Variants in ICA1L observed in about 807,000 individuals in gnomAD.
ICA1L encodes islet cell autoantigen 1 like, also known as islet cell autoantigen 1-like protein.
ICA1L carries 50 observed loss-of-function variants against 61.3 expected under a neutral mutation model. The ratio of observed to expected loss-of-function variants is 0.82; its 90% CI spans 0.65 to 1.03. The LOEUF is 1.03. Among genes scored for constraint, ICA1L ranks in the 50% least tolerant of loss-of-function variants. ICA1L has a pLI of 0.00. For synonymous variants in ICA1L, 161 were observed against 191.3 expected (o/e 0.84, Z 1.31); for missense variants, 508 against 556.7 (o/e 0.91, Z 0.88).
chr2:202,785,150 C>T (rs1692539490), intron 12 of ICA1L, among the ~76,000 whole-genome samples: 2 of 147,862 alleles, frequency 1.4e-5, no homozygotes, highest in South Asian at 2.2e-4. Context: ...ACCCAGGAGG[C>T]GGAGGTTGCA....
intron 3 of ICA1L, among the ~76,000 whole-genome samples, chr2:202,824,412 T>A (rs1455192377): frequency 6.6e-6 from 1 of 151,564 alleles, no homozygotes; most frequent in Non-Finnish European, 1.5e-5. Flanking sequence ...AAAAAAAAAA[T>A]TCTGTCCTTA....
At chr2:202,852,810 C>G (rs1283149345) in intron 1 of ICA1L, among the ~76,000 whole-genome samples, 1 of 149,246 alleles carries the variant, frequency 6.7e-6, no homozygotes, top group Non-Finnish European at 1.5e-5. Context: ...TTGCATTTCT[C>G]TGATGGCCAG....
chr2:202,788,747 G>C (rs1029267245), intron 11 of ICA1L, 83 bp downstream of exon 11: 1 of 1,382,722 alleles, frequency 7.2e-7, no homozygotes, highest in Non-Finnish European at 1.0e-6. Flanking sequence ...TCTGCTTGTT[G>C]GTTCTAGCAT....
In ICA1L at chr2:202,774,278, T is replaced by G. The variant is rs1319983358; in HGVS notation, c.*5255A>C. On this transcript the variant is annotated 3_prime_UTR_variant, in exon 13 of 13. Transcript: ENST00000358299. ...GGCCAAAGGCCGTGACCCCGACGCG[T>G]GCAGGCACCTACGGGCGACCGCGGA... The G allele has an allele frequency of 1.3e-6, 2 of 1,541,398 alleles. No homozygotes were observed. The highest frequency in any genetic ancestry group is 1.7e-6 in the Non-Finnish European group (2 of 1,144,650).
At chr2:202,796,006 G>A (rs975813891) in intron 10 of ICA1L, among the ~76,000 whole-genome samples, 1 of 151,142 alleles carries the variant, frequency 6.6e-6, no homozygotes, top group South Asian at 2.1e-4. Flanking sequence ...TCGTGCCACT[G>A]CTCTTCAGCC....
At position 202,828,446 on chromosome 2, in the gene ICA1L, A is replaced by G. The variant is rs142315688; in HGVS notation, c.162+402T>C. On this transcript the variant is annotated intron_variant, in intron 2 of 12. Transcript: ENST00000358299. Reference sequence around the variant, plus strand: ...TCTATCTTTTAATAAAATAGAAACAATAACTATTATCTTCATTTGCTATTT... The same window carrying G: ...TCTATCTTTTAATAAAATAGAAACAGTAACTATTATCTTCATTTGCTATTT... Among the ~76,000 whole-genome samples, 272 of 152,324 alleles carry G rather than the reference A, an allele frequency of 1.8e-3. 1 individual carries two copies. Among genetic ancestry groups the G allele is most frequent in the Non-Finnish European group, 3.1e-3 (214 of 68,026 alleles).
intron 9 of ICA1L, 28 bp from the exon 10 acceptor site, chr2:202,796,992 T>A (rs201711502): frequency 6.7e-7 from 1 of 1,491,264 alleles, no homozygotes; most frequent in Admixed American, 1.9e-5. Context: ...AAAAGAGAAG[T>A]TGAACAAGAA....
At position 202,815,911 on chromosome 2, in the gene ICA1L, C is replaced by T. The variant is rs751344531; in HGVS notation, c.783G>A (p.Lys261=). Residue 261 remains lysine, a splice_region_variant and synonymous_variant, in exon 7 of 13, where the codon AAG becomes AAA. Transcript: ENST00000358299. ...GFHPYDFVAL[K]QLQDTPSKIS... Reference sequence around the variant, plus strand: ...CAAGAGAACATGGAACACAATGTACCTTGAGAGCTACAAAATCATACGGAT... The same window carrying T: ...CAAGAGAACATGGAACACAATGTACTTTGAGAGCTACAAAATCATACGGAT... 7.0e-6 allele frequency: 11 copies of T among 1,568,112 alleles called. No homozygotes were observed. Among genetic ancestry groups the T allele is most frequent in the Non-Finnish European group, 8.7e-6 (10 of 1,154,908 alleles).
intron 1 of ICA1L, among the ~76,000 whole-genome samples, chr2:202,844,936 T>G (rs556423551): frequency 1.3e-5 from 2 of 152,306 alleles, no homozygotes; most frequent in South Asian, 2.1e-4. Context: ...TCATTGTCTT[T>G]TATAGCTTTT....
At chr2:202,833,878 T>C (rs978424473) in intron 1 of ICA1L, among the ~76,000 whole-genome samples, 1 of 152,088 alleles carries the variant, frequency 6.6e-6, no homozygotes, top group African/African-American at 2.4e-5. Flanking sequence ...GTTGAACTAA[T>C]AGACGTAGAG....
rs185326063 is a variant in ICA1L, at chr2:202,819,417, G to A, written c.558+284C>T. On this transcript the variant is annotated intron_variant, in intron 5 of 12. Coordinates refer to ENST00000358299, the MANE Select transcript of ICA1L (RefSeq NM_001288622.3). The stretch of plus-strand genomic sequence containing the variant: ...AATAAACTATTTTCTTCCTGCAAAC[G>A]AATCTCAAAAGTCCAAGGAAGCAAC... 5.9e-5 allele frequency among the ~76,000 whole-genome samples: 9 copies of A among 151,850 alleles called. No individual in the cohort carries two copies. The East Asian group carries it at 1.2e-3, about 20-fold the overall frequency.
At chr2:202,828,744 G>T in intron 2 of ICA1L, 104 bp downstream of exon 2, 2 of 864,960 alleles carry the variant, frequency 2.3e-6, no homozygotes, top group Non-Finnish European at 3.7e-6. Context: ...TATCAAATTT[G>T]CATTTATCCT....
intron 8 of ICA1L, among the ~76,000 whole-genome samples, chr2:202,814,269 C>T (rs1693467989): frequency 6.6e-6 from 1 of 152,010 alleles, no homozygotes; most frequent in Non-Finnish European, 1.5e-5. Flanking sequence ...GGTTTGGTGC[C>T]TTTTTCATGG....
At chr2:202,866,281 A>G (rs1222638549) in intron 1 of ICA1L, among the ~76,000 whole-genome samples, 2 of 152,156 alleles carry the variant, frequency 1.3e-5, no homozygotes, top group Admixed American at 1.3e-4. Flanking sequence ...GCTGTTTAAC[A>G]GAGTTCGGCC....
chr2:202,783,816 T>TAGACAATGAATATTTAGTGGC lies in ICA1L; in HGVS notation c.1333+2081_1333+2101dup, dbSNP rs1193227467. Among the ~76,000 whole-genome samples the TAGACAATGAATATTTAGTGGC allele has an allele frequency of 2.6e-5, 4 of 152,054 alleles. No individual in the cohort carries two copies. The East Asian group carries it at 7.7e-4, about 29-fold the overall frequency. On this transcript the variant is annotated intron_variant, in intron 12 of 12. Coordinates refer to ENST00000358299, the MANE Select transcript of ICA1L (RefSeq NM_001288622.3). ...AAAGAATGTCCTTGTTTTTAGGAAATAGACAATGAATATTTAGTGGCAGAG... is the reference window on the plus strand; with the variant it reads ...AAAGAATGTCCTTGTTTTTAGGAAATAGACAATGAATATTTAGTGGCAGACAATGAATATTTAGTGGCAGAG...
At chr2:202,865,295 C>A (rs28762111) in intron 1 of ICA1L, among the ~76,000 whole-genome samples, 1 of 151,698 alleles carries the variant, frequency 6.6e-6, no homozygotes, top group African/African-American at 2.4e-5. Context: ...ATGGTGAAAC[C>A]TTGTCTCTAC....
At position 202,773,303 on chromosome 2, in the gene ICA1L, C is replaced by T. The variant is rs1260805155; in HGVS notation, c.*6230G>A. 1 of 152,600 alleles carries T rather than the reference C, an allele frequency of 6.6e-6. No homozygotes were observed. Among genetic ancestry groups the T allele is most frequent in the Non-Finnish European group, 1.5e-5 (1 of 68,328 alleles). The allele number at this position is 152,600 out of a possible 1,614,324, so 9.5% of individuals were successfully genotyped here. ...ATATCACATTCGTTCAAATGCATTTCTTTCCCTTAGAGGGACTATTCCAAC... is the reference window on the plus strand; with the variant it reads ...ATATCACATTCGTTCAAATGCATTTTTTTCCCTTAGAGGGACTATTCCAAC... On this transcript the variant is annotated 3_prime_UTR_variant, in exon 13 of 13. Transcript: ENST00000358299.
At chr2:202,846,484 G>A (rs964315425) in intron 1 of ICA1L, among the ~76,000 whole-genome samples, 1 of 152,078 alleles carries the variant, frequency 6.6e-6, no homozygotes, top group African/African-American at 2.4e-5. Context: ...AGCTTCAAGT[G>A]GGGGGTTCCC....
chr2:202,871,685 C>A lies in ICA1L; in HGVS notation c.-74G>T, dbSNP rs1333342300. The A allele has an allele frequency of 6.6e-6, 1 of 152,664 alleles. No individual in the cohort carries two copies. Among genetic ancestry groups the A allele is most frequent in the African/African-American group, 2.4e-5 (1 of 41,460 alleles). 9.5% of individuals were successfully genotyped at this position (152,664 alleles called of 1,614,324 possible). On this transcript the variant is annotated 5_prime_UTR_variant, in exon 1 of 13. Coordinates refer to ENST00000358299, the MANE Select transcript of ICA1L (RefSeq NM_001288622.3). Reference sequence around the variant, plus strand: ...CGGTGATCCGTCCCGGCACCCGTTCCGGCCACCGCCCGCGAGCCCCGCGCC... The same window carrying A: ...CGGTGATCCGTCCCGGCACCCGTTCAGGCCACCGCCCGCGAGCCCCGCGCC...
Sources: allele counts gnomAD v4.1 joint callset (sites outside exome capture counted in the v4.1 genomes callset), GRCh38; gene constraint gnomAD v4.1.1; transcripts MANE v1.5; gene names NCBI Gene and HGNC (gene_info 2026-07-23, HGNC 2026-07-21).